Variants in SDK1 observed in about 807,000 individuals in gnomAD.
SDK1 encodes the protein sidekick cell adhesion molecule 1, also known as protein sidekick-1.
A neutral mutation model predicts 245.5 loss-of-function variants in SDK1; 157 were observed. The observed-to-expected ratio is 0.64, with a 90% CI of 0.56 to 0.73. SDK1 has a LOEUF of 0.73. Among genes scored for constraint, SDK1 ranks in the 30% least tolerant of loss-of-function variants. The pLI, the probability that SDK1 is intolerant of heterozygous loss-of-function variation, is 0.00. For synonymous variants in SDK1, 1,647 were observed against 1,278.5 expected (o/e 1.29, Z -6.15); for missense variants, 3,583 against 3,002.3 (o/e 1.19, Z -4.52).
rs749962239 is a variant in SDK1 at position 4,145,760 on chromosome 7, C to T, written c.4267C>T (p.His1423Tyr). Reference sequence around the variant, plus strand: ...CTACCGCCTGGCCAGCAGCAGCCCCCACACCTTCACCACCGTGGAGGTCGG... The same window carrying T: ...CTACCGCCTGGCCAGCAGCAGCCCCTACACCTTCACCACCGTGGAGGTCGG... Reference protein sequence around the residue: ...IAYRLASSSPHTFTTVEVGAT... With the variant: ...IAYRLASSSPYTFTTVEVGAT... The change falls in exon 29 of 45, where the codon CAC becomes TAC. Residue 1423 changes from histidine to tyrosine, a missense_variant. Transcript: ENST00000404826. The T allele has an allele frequency of 2.5e-6, 4 of 1,612,646 alleles. No individual in the cohort carries two copies. Among genetic ancestry groups the T allele is most frequent in the South Asian group, 1.1e-5 (1 of 90,872 alleles).
At chr7:4,047,955 C>T (rs146611508) in intron 17 of SDK1, among the ~76,000 whole-genome samples, 1 of 152,296 alleles carries the variant, frequency 6.6e-6, no homozygotes, top group East Asian at 1.9e-4. Flanking sequence ...GGGCAGTTTC[C>T]TGGTGACTTA....
intron 5 of SDK1, among the ~76,000 whole-genome samples, chr7:3,886,943 C>T (rs1781352541): frequency 6.6e-6 from 1 of 152,146 alleles, no homozygotes; most frequent in Non-Finnish European, 1.5e-5. Context: ...AAGTGCCAAG[C>T]CTCCTTGCAT....
At chr7:3,584,621 A>G (rs1390911768) in intron 1 of SDK1, among the ~76,000 whole-genome samples, 2 of 152,026 alleles carry the variant, frequency 1.3e-5, no homozygotes, top group Admixed American at 1.3e-4. Context: ...CTGGCTTCTG[A>G]GAGAACTTTC....
intron 20 of SDK1, among the ~76,000 whole-genome samples, chr7:4,071,403 T>C (rs907544069): frequency 6.6e-6 from 1 of 152,172 alleles, no homozygotes; most frequent in African/African-American, 2.4e-5. Flanking sequence ...GTGCCCACTT[T>C]AAATAGTGTG....
At chr7:3,676,384 G>A (rs995645520) in intron 4 of SDK1, among the ~76,000 whole-genome samples, 4 of 147,588 alleles carry the variant, frequency 2.7e-5, no homozygotes, top group Non-Finnish European at 5.9e-5. Context: ...GGAGTGCAGT[G>A]GCGCAGTCTC....
chr7:4,175,898 G>A (rs1782178948), intron 34 of SDK1, 64 bp downstream of exon 34: 1 of 1,460,196 alleles, frequency 6.8e-7, no homozygotes, highest in Non-Finnish European at 9.5e-7. Flanking sequence ...AGAGCCAGCT[G>A]GTCTCTCAGT....
intron 5 of SDK1, among the ~76,000 whole-genome samples, chr7:3,885,226 G>C (rs768176738): frequency 6.6e-6 from 1 of 152,140 alleles, no homozygotes; most frequent in African/African-American, 2.4e-5. Context: ...GGTTTTGAGC[G>C]AGTGCTATAA....
intron 1 of SDK1, among the ~76,000 whole-genome samples, chr7:3,499,915 G>C (rs1401751317): frequency 6.6e-6 from 1 of 152,178 alleles, no homozygotes; most frequent in African/African-American, 2.4e-5. Context: ...AGATCAAAGT[G>C]GGCCATTATA....
At chr7:3,582,357 A>C (rs989729143) in intron 1 of SDK1, among the ~76,000 whole-genome samples, 1 of 149,002 alleles carries the variant, frequency 6.7e-6, no homozygotes, top group Admixed American at 6.6e-5. Flanking sequence ...TCCCTCAGGT[A>C]GGTCTGTCTC....
intron 1 of SDK1, among the ~76,000 whole-genome samples, chr7:3,346,701 T>TTG (rs1173051488): frequency 8.5e-5 from 11 of 129,654 alleles, no homozygotes; most frequent in Admixed American, 1.5e-4. Context: ...GTATGTGTGT[T>TTG]TGTGTGTGTG....
chr7:3,845,323 C>T (rs1414637929), intron 5 of SDK1, among the ~76,000 whole-genome samples: 1 of 151,910 alleles, frequency 6.6e-6, no homozygotes, highest in Non-Finnish European at 1.5e-5. Context: ...AACCCTGTCT[C>T]TACTAAAAAT....
At chr7:3,946,271 G>T (rs1780575048) in intron 5 of SDK1, among the ~76,000 whole-genome samples, 1 of 151,918 alleles carries the variant, frequency 6.6e-6, no homozygotes, top group African/African-American at 2.4e-5. Flanking sequence ...TCAACCTCCT[G>T]GGCTCAAGTG....
chr7:3,678,095 C>A (rs558295234), intron 4 of SDK1, among the ~76,000 whole-genome samples: 1 of 152,250 alleles, frequency 6.6e-6, no homozygotes, highest in East Asian at 1.9e-4. Context: ...CAACTTCACA[C>A]CCCTTGTAAC....
Position 3,301,833 on chromosome 7 carries a change from T to C in SDK1, c.247T>C (p.Trp83Arg), listed in dbSNP as rs943606641. The C allele has an allele frequency of 2.9e-5, 32 of 1,121,516 alleles. No individual in the cohort carries two copies. Among genetic ancestry groups the C allele is most frequent in the Middle Eastern group, 3.8e-4 (1 of 2,658 alleles). The allele number at this position is 1,121,516 out of a possible 1,614,324, so 69.5% of individuals were successfully genotyped here. A position where few individuals can be genotyped will look rare whatever the true frequency, so the allele number is the denominator to read the frequency against. ...AAAGTTGGGGCCGGGCCGCCGCGGC[T>C]GGTGGGCGCTGCTGGCGCTGCAGCT... ...AAKLGPGRRG[W>R]WALLALQLHL... Residue 83 changes from tryptophan to arginine, a missense_variant, in exon 1 of 45, where the codon TGG becomes CGG. Physicochemically the swap from Trp to Arg is moderately radical, Grantham distance 101. Transcript: ENST00000404826.
chr7:3,511,787 T>C (rs6462128), intron 1 of SDK1, among the ~76,000 whole-genome samples: 43,620 of 150,506 alleles, frequency 0.29, 6,679 homozygotes, highest in African/African-American at 0.35. Flanking sequence ...GCCACTGTTT[T>C]TTTTGTTTTT....
chr7:3,501,837 C>G (rs1473687173), intron 1 of SDK1, among the ~76,000 whole-genome samples: 3 of 152,166 alleles, frequency 2.0e-5, no homozygotes, highest in Admixed American at 2.0e-4. Context: ...ATTTATTACT[C>G]TTGATGTTCT....
chr7:3,875,620 C>T (rs1056663804), intron 5 of SDK1, among the ~76,000 whole-genome samples: 7 of 152,104 alleles, frequency 4.6e-5, no homozygotes, highest in Non-Finnish European at 8.8e-5. Flanking sequence ...ATGGGTTCCA[C>T]GGAACCCTCC....
rs189627488 is a variant in SDK1 at position 3,963,878 on chromosome 7, A to T, written c.1429+1027A>T. On this transcript the variant is annotated intron_variant, in intron 9 of 44. Coordinates refer to ENST00000404826, the MANE Select transcript of SDK1 (RefSeq NM_152744.4). ...TACACCTAAGCTCACGGCTACCCGG[A>T]CATATCCAGTGGGTACACCCAGGCT... Among the ~76,000 whole-genome samples, 16 of 151,936 alleles carry T rather than the reference A, an allele frequency of 1.1e-4. No individual in the cohort carries two copies. The South Asian group carries it at 1.7e-3, about 16-fold the overall frequency.
At chr7:4,224,569 A>G (rs1447459310) in intron 40 of SDK1, among the ~76,000 whole-genome samples, 1 of 152,150 alleles carries the variant, frequency 6.6e-6, no homozygotes, top group Non-Finnish European at 1.5e-5. Flanking sequence ...TCAACCTGAG[A>G]TTTGGGTGGG....
Sources: gnomAD v4.1 joint callset for allele counts (sites outside exome capture counted in the v4.1 genomes callset) on GRCh38, gnomAD v4.1.1 for gene constraint, MANE v1.5 for transcripts, NCBI Gene and HGNC (gene_info 2026-07-23, HGNC 2026-07-21) for gene names.